The following ENTREP2 variants were observed in gnomAD, a reference collection of about 807,000 sequenced individuals.
ENTREP2 encodes the protein protein ENTREP2.
At chr15:29,317,046 T>C in the ENTREP2 span, among the ~76,000 whole-genome samples, 33 of 152,274 alleles carry the variant, frequency 2.2e-4, no homozygotes, top group African/African-American at 7.5e-4. Flanking sequence ...TTCCTAAACA[T>C]CACATCAAAG....
the ENTREP2 span, among the ~76,000 whole-genome samples, chr15:29,416,947 A>G: frequency 1.3e-5 from 2 of 152,232 alleles, no homozygotes; most frequent in South Asian, 4.1e-4. Flanking sequence ...ACAATGAGAT[A>G]CCATCTCACA....
the ENTREP2 span, among the ~76,000 whole-genome samples, chr15:29,306,295 G>A: frequency 6.6e-6 from 1 of 152,196 alleles, no homozygotes; most frequent in Non-Finnish European, 1.5e-5. Context: ...GGATCCTTGG[G>A]GGGGATGAGG....
the ENTREP2 span, among the ~76,000 whole-genome samples, chr15:29,577,101 C>T: frequency 6.6e-6 from 1 of 151,770 alleles, no homozygotes; most frequent in Non-Finnish European, 1.5e-5. Flanking sequence ...GCCACCAGAC[C>T]TGGCCAGCTA....
chr15:29,428,475 A>G, the ENTREP2 span, among the ~76,000 whole-genome samples: 1 of 152,072 alleles, frequency 6.6e-6, no homozygotes, highest in East Asian at 1.9e-4. Context: ...TTGCACTCCC[A>G]AAGTGCTGGG....
the ENTREP2 span, among the ~76,000 whole-genome samples, chr15:29,413,122 G>T: frequency 6.6e-6 from 1 of 152,018 alleles, no homozygotes; most frequent in Non-Finnish European, 1.5e-5. Context: ...TGTGGTCAGA[G>T]AATGTGATCT....
At chr15:29,269,926 T>G in the ENTREP2 span, 26 of 488,668 alleles carry the variant, frequency 5.3e-5, no homozygotes, top group East Asian at 7.4e-4. Context: ...CGTGCAGCCC[T>G]GCAGGTCCGG....
chr15:29,339,255 C>T, the ENTREP2 span, among the ~76,000 whole-genome samples: 1 of 152,234 alleles, frequency 6.6e-6, no homozygotes, highest in Admixed American at 6.5e-5. Context: ...ACAGTCAAGA[C>T]CCATGGGCCC....
chr15:29,597,810 T>C, the ENTREP2 span, among the ~76,000 whole-genome samples: 1 of 151,998 alleles, frequency 6.6e-6, no homozygotes, highest in African/African-American at 2.4e-5. Flanking sequence ...CTGAGTGTGA[T>C]TGTTGACTCT....
At chr15:29,191,640 TA>T in the ENTREP2 span, among the ~76,000 whole-genome samples, 9 of 152,086 alleles carry the variant, frequency 5.9e-5, no homozygotes, top group Non-Finnish European at 1.0e-4. Flanking sequence ...CGAACAGGGA[TA>T]GGGGCAGTGG....
the ENTREP2 span, among the ~76,000 whole-genome samples, chr15:29,429,625 G>C: frequency 6.6e-6 from 1 of 152,238 alleles, no homozygotes; most frequent in Non-Finnish European, 1.5e-5. Flanking sequence ...CACCTGCTTT[G>C]CTGGTTGCAG....
the ENTREP2 span, among the ~76,000 whole-genome samples, chr15:29,470,066 A>C: frequency 6.6e-6 from 1 of 152,232 alleles, no homozygotes; most frequent in Non-Finnish European, 1.5e-5. Context: ...AAAACCGCAG[A>C]ATAGATTTCT....
At chr15:29,132,131 C>T in the ENTREP2 span, among the ~76,000 whole-genome samples, 1 of 152,070 alleles carries the variant, frequency 6.6e-6, no homozygotes, top group Non-Finnish European at 1.5e-5. Flanking sequence ...AAACTGAGGC[C>T]GAGGGCACTT....
the ENTREP2 span, among the ~76,000 whole-genome samples, chr15:29,347,115 C>T: frequency 2.0e-5 from 3 of 152,314 alleles, no homozygotes; most frequent in Non-Finnish European, 2.9e-5. Context: ...CCAAACTGAT[C>T]CTGCCATGTT....
At chr15:29,635,420 G>A in the ENTREP2 span, among the ~76,000 whole-genome samples, 7 of 152,124 alleles carry the variant, frequency 4.6e-5, no homozygotes, top group Admixed American at 2.6e-4. Context: ...GGTCTCCCAT[G>A]AGCCTGAGAC....
chr15:29,650,963 C>T, the ENTREP2 span, among the ~76,000 whole-genome samples: 1 of 152,236 alleles, frequency 6.6e-6, no homozygotes, highest in African/African-American at 2.4e-5. Flanking sequence ...CTGCAGTCAG[C>T]TATGATTGCA....
At chr15:29,327,211 T>C in the ENTREP2 span, among the ~76,000 whole-genome samples, 1 of 152,116 alleles carries the variant, frequency 6.6e-6, no homozygotes, top group Non-Finnish European at 1.5e-5. Context: ...AAAATATTTG[T>C]AAAACACATA....
the ENTREP2 span, among the ~76,000 whole-genome samples, chr15:29,454,757 G>A: frequency 3.3e-5 from 5 of 152,262 alleles, no homozygotes; most frequent in Admixed American, 6.5e-5. Context: ...AGATGACGCA[G>A]CTCCAGCCAA....
chr15:29,398,794 C>T, the ENTREP2 span, among the ~76,000 whole-genome samples: 1 of 149,288 alleles, frequency 6.7e-6, no homozygotes, highest in Non-Finnish European at 1.5e-5. Flanking sequence ...TGAGATGGCC[C>T]CCAAGGTCCC....
chr15:29,596,182 T>C, the ENTREP2 span, among the ~76,000 whole-genome samples: 1 of 152,336 alleles, frequency 6.6e-6, no homozygotes, highest in Non-Finnish European at 1.5e-5. Context: ...ACTTTTAATG[T>C]AACTGTCTGT....
Sources: allele counts gnomAD v4.1 joint callset (sites outside exome capture counted in the v4.1 genomes callset), GRCh38; gene constraint gnomAD v4.1.1; transcripts MANE v1.5; gene names NCBI Gene and HGNC (gene_info 2026-07-23, HGNC 2026-07-21).